ANO6: variants seen among roughly 807,000 people sequenced by gnomAD.
ANO6 encodes the protein anoctamin-6.
A neutral mutation model predicts 117.5 loss-of-function variants in ANO6; 106 were observed. That is an observed-to-expected ratio of 0.90 (90% CI 0.77 to 1.06). The LOEUF is 1.06. ANO6 is among the 50% of genes least tolerant of loss of function. The pLI is 0.00. For missense variants in ANO6, 955 were observed against 1,121.1 expected (o/e 0.85, Z 2.12); for synonymous variants, 367 against 385.1 (o/e 0.95, Z 0.55).
chr12:45,349,183 C>A (rs373693007), intron 6 of ANO6, among the ~76,000 whole-genome samples: 103 of 152,288 alleles, frequency 6.8e-4, no homozygotes, highest in Middle Eastern at 3.4e-3. Context: ...TCTTTGTCAG[C>A]AAAATACATG....
downstream of ANO6, among the ~76,000 whole-genome samples, chr12:45,434,599 A>G (rs983142729): frequency 6.6e-6 from 1 of 152,222 alleles, no homozygotes; most frequent in African/African-American, 2.4e-5. Flanking sequence ...GAGGCAGTGC[A>G]AAGAATCCAG....
intron 9 of ANO6, among the ~76,000 whole-genome samples, chr12:45,371,090 AG>A (rs1457899427): frequency 6.6e-6 from 1 of 152,174 alleles, no homozygotes; most frequent in Non-Finnish European, 1.5e-5. Context: ...AGTCAAAGAA[AG>A]GGGTGACGAA....
At chr12:45,312,604 A>G (rs756542661) in intron 2 of ANO6, among the ~76,000 whole-genome samples, 14 of 152,092 alleles carry the variant, frequency 9.2e-5, no homozygotes, top group Non-Finnish European at 1.8e-4. Flanking sequence ...AACAAATAAT[A>G]ATAAAAAGTA....
intron 6 of ANO6, among the ~76,000 whole-genome samples, chr12:45,349,031 C>T (rs1022690603): frequency 6.6e-6 from 1 of 152,098 alleles, no homozygotes; most frequent in Non-Finnish European, 1.5e-5. Context: ...TTATTACCTA[C>T]CTCCTAGAGT....
At chr12:45,224,774 T>C (rs1482542660) in intron 1 of ANO6, among the ~76,000 whole-genome samples, 2 of 152,190 alleles carry the variant, frequency 1.3e-5, no homozygotes, top group Non-Finnish European at 2.9e-5. Context: ...TTGCTCTACA[T>C]TTATTATTTT....
chr12:45,231,330 G>A (rs568301889), intron 1 of ANO6, among the ~76,000 whole-genome samples: 6 of 152,276 alleles, frequency 3.9e-5, no homozygotes, highest in Admixed American at 2.0e-4. Context: ...AAATAGGTAC[G>A]TGAATTAATG....
chr12:45,407,845 A>G (rs956882361), intron 15 of ANO6, among the ~76,000 whole-genome samples: 2 of 152,078 alleles, frequency 1.3e-5, no homozygotes, highest in Non-Finnish European at 2.9e-5. Flanking sequence ...TTTTTTACCA[A>G]AGTTAACCAG....
At chr12:45,398,341 T>C (rs1263597138) in intron 12 of ANO6, among the ~76,000 whole-genome samples, 1 of 152,224 alleles carries the variant, frequency 6.6e-6, no homozygotes, top group African/African-American at 2.4e-5. Flanking sequence ...AAGTGAGATA[T>C]GATTTTTCAC....
intron 1 of ANO6, among the ~76,000 whole-genome samples, chr12:45,262,788 G>A (rs1938084969): frequency 6.6e-6 from 1 of 152,154 alleles, no homozygotes; most frequent in African/African-American, 2.4e-5. Context: ...ACATTTAATG[G>A]CTGAATAACA....
chr12:45,286,874 G>A (rs902087331), intron 1 of ANO6, among the ~76,000 whole-genome samples: 26 of 152,194 alleles, frequency 1.7e-4, no homozygotes, highest in Non-Finnish European at 3.1e-4. Flanking sequence ...TAGGAAGGTT[G>A]AATGATCTAA....
intron 17 of ANO6, among the ~76,000 whole-genome samples, chr12:45,419,761 C>CA (rs2137695292): frequency 6.6e-6 from 1 of 152,130 alleles, no homozygotes; most frequent in African/African-American, 2.4e-5. Flanking sequence ...TCCTTCCAAC[C>CA]AGTTTTACAC....
intron 9 of ANO6, among the ~76,000 whole-genome samples, chr12:45,375,253 C>A (rs1364447078): frequency 6.6e-6 from 1 of 152,146 alleles, no homozygotes; most frequent in African/African-American, 2.4e-5. Flanking sequence ...TAGGAAGAAT[C>A]AATATCGTGA....
At chr12:45,397,437 A>T (rs1214497539) in intron 12 of ANO6, among the ~76,000 whole-genome samples, 1 of 152,222 alleles carries the variant, frequency 6.6e-6, no homozygotes, top group Non-Finnish European at 1.5e-5. Context: ...AGATTCCTCA[A>T]GGATGTAGAA....
At chr12:45,227,814 C>G (rs1356558925) in intron 1 of ANO6, among the ~76,000 whole-genome samples, 1 of 152,158 alleles carries the variant, frequency 6.6e-6, no homozygotes, top group Non-Finnish European at 1.5e-5. Context: ...AGGGTAATGA[C>G]AGTGGCTGTG....
chr12:45,343,129 G>A (rs954314068), intron 3 of ANO6, among the ~76,000 whole-genome samples: 1 of 152,168 alleles, frequency 6.6e-6, no homozygotes, highest in Non-Finnish European at 1.5e-5. Flanking sequence ...CAGCTCCCTA[G>A]TGGATAGCTA....
chr12:45,307,958 G>A (rs954909507), intron 2 of ANO6, among the ~76,000 whole-genome samples: 3 of 150,590 alleles, frequency 2.0e-5, no homozygotes, highest in Admixed American at 1.3e-4. Flanking sequence ...AACCTTATTA[G>A]AAAGGATTCA....
At position 45,322,293 on chromosome 12, in the gene ANO6, A is replaced by ATAGATGGTAAGGAG. The variant is rs1555169121; in HGVS notation, c.151-8999_151-8998insATGGTAAGGAGTAG. Among the ~76,000 whole-genome samples the ATAGATGGTAAGGAG allele has an allele frequency of 3.3e-5, 5 of 151,098 alleles. No individual in the cohort carries two copies. The East Asian group carries it at 9.8e-4, about 30-fold the overall frequency. On this transcript the variant is annotated intron_variant, in intron 2 of 19. Coordinates refer to ENST00000320560, the MANE Select transcript of ANO6 (RefSeq NM_001025356.3). ...ACCTTAAAGGAGAGTTAAGATTTGG[A>ATAGATGGTAAGGAG]TAGGTGGTTAGGAGAGCAGGAGAGG...
At chr12:45,438,901 T>C (rs1943738725) in intron 19 of ANO6, among the ~76,000 whole-genome samples, 1 of 151,324 alleles carries the variant, frequency 6.6e-6, no homozygotes. Context: ...TAATTCAGTA[T>C]TTATAGCACA....
chr12:45,372,010 G>A (rs1271249693), intron 9 of ANO6, among the ~76,000 whole-genome samples: 2 of 152,026 alleles, frequency 1.3e-5, no homozygotes, highest in Admixed American at 1.3e-4. Flanking sequence ...ACAGAGAAGT[G>A]CTTAAAGGAG....
Sources: gnomAD v4.1 joint callset for allele counts (sites outside exome capture counted in the v4.1 genomes callset) on GRCh38, gnomAD v4.1.1 for gene constraint, MANE v1.5 for transcripts, NCBI Gene and HGNC (gene_info 2026-07-23, HGNC 2026-07-21) for gene names.